CFAP46: variants seen among roughly 807,000 people sequenced by gnomAD.
The protein encoded by CFAP46 is cilia and flagella associated protein 46.
In CFAP46, 245 loss-of-function variants were observed where a neutral mutation model predicts 325.7. The observed-to-expected ratio is 0.75, with a 90% CI of 0.68 to 0.84. The LOEUF (loss-of-function observed/expected upper bound fraction) is 0.84, where lower values mean the gene tolerates loss of function less well. Among genes scored for constraint, CFAP46 ranks in the 40% least tolerant of loss-of-function variants. The pLI is 0.00. For missense variants in CFAP46, 3,346 were observed against 3,543.0 expected (o/e 0.94, Z 1.41); for synonymous variants, 1,523 against 1,495.9 (o/e 1.02, Z -0.42).
intron 13 of CFAP46, among the ~76,000 whole-genome samples, chr10:132,921,031 C>A (rs1010066525): frequency 6.6e-6 from 1 of 152,208 alleles, no homozygotes; most frequent in South Asian, 2.1e-4. Context: ...GATGACAGGG[C>A]GGCAGCCCCT....
chr10:132,869,288 C>G lies in CFAP46; in HGVS notation c.4596G>C (p.Glu1532Asp). ...EEAVGQVCVS[E>D]LEQASCRKEI... The stretch of plus-strand genomic sequence containing the variant: ...ACGGCACACACCTGGCCTGCTCCAG[C>G]TCGCTGACGCACACCTGCCCGACCG... Residue 1532 changes from glutamate (E) to aspartate (D), a missense_variant, in exon 33 of 58, where the codon GAG (glutamate) becomes GAC (aspartate). Physicochemically the swap from Glu to Asp is conservative, Grantham distance 45 (BLOSUM62 2). Coordinates refer to ENST00000368586, the MANE Select transcript of CFAP46 (RefSeq NM_001200049.3). The surrounding 1 kb of genome is among the most constrained non-coding windows in gnomAD (Gnocchi z 6.2). 6.5e-7 allele frequency: 1 copy of G among 1,536,732 alleles called. No individual in the cohort carries two copies. The highest frequency in any genetic ancestry group is 8.8e-7 in the Non-Finnish European group (1 of 1,142,566).
At chr10:132,887,437 TCTCCC>T (rs1849163697) in intron 25 of CFAP46, among the ~76,000 whole-genome samples, 1 of 100,448 alleles carries the variant, frequency 1.0e-5, no homozygotes, top group Admixed American at 1.1e-4. Context: ...TCTTCTTTCC[TCTCCC>T]CTCTTCTCTC....
At position 132,869,116 on chromosome 10, in the gene CFAP46, G is replaced by A. The variant is rs549209511; in HGVS notation, c.4610+158C>T. 1.3e-5 allele frequency among the ~76,000 whole-genome samples: 2 copies of A among 152,060 alleles called. No individual in the cohort carries two copies. Among genetic ancestry groups the A allele is most frequent in the African/African-American group, 4.8e-5 (2 of 41,408 alleles). ...CCTCCCCACAACCCACCTCCAGCAC[G>A]ACCCAGGAGAACCGGCCACAGCCGT... On this transcript the variant is annotated intron_variant, in intron 33 of 57. Coordinates refer to ENST00000368586, the MANE Select transcript of CFAP46 (RefSeq NM_001200049.3). The surrounding 1 kb of genome is among the most constrained non-coding windows in gnomAD (Gnocchi z 6.2).
At chr10:132,929,862 G>T in intron 8 of CFAP46, 58 bp from the exon 9 acceptor site, 1 of 1,275,388 alleles carries the variant, frequency 7.8e-7, no homozygotes, top group Non-Finnish European at 1.1e-6. Flanking sequence ...AAACATGGCT[G>T]CAGGCGAGAA....
chr10:132,925,831 T>C (rs1849801773), intron 10 of CFAP46, among the ~76,000 whole-genome samples: 1 of 152,070 alleles, frequency 6.6e-6, no homozygotes, highest in Admixed American at 6.5e-5. Context: ...GCCGTGCTCA[T>C]CCCCTGCCAC....
chr10:132,876,672 G>T lies in CFAP46; in HGVS notation c.4362+140C>A. 1 of 833,964 alleles carries T rather than the reference G, an allele frequency of 1.2e-6. No homozygotes were observed. Among genetic ancestry groups the T allele is most frequent in the Non-Finnish European group, 1.8e-6 (1 of 548,944 alleles). The allele number at this position is 833,964 out of a possible 1,614,324, so 51.7% of individuals were successfully genotyped here. ...AGACAGTGGTGCTGGGAGGGCCTGT[G>T]GGAGGCTGGGGGCTGATGGGACTCT... On this transcript the variant is annotated intron_variant, in intron 31 of 57. Transcript: ENST00000368586. This position sits in a 1 kb window ranked among gnomAD's most constrained non-coding sequence, Gnocchi z 4.1.
intron 57 of CFAP46, among the ~76,000 whole-genome samples, chr10:132,809,991 G>T (rs73389090): frequency 6.6e-6 from 1 of 152,344 alleles, no homozygotes; most frequent in African/African-American, 2.4e-5. Flanking sequence ...GGGCACTGTG[G>T]TGCAAGCTGT....
intron 53 of CFAP46, 84 bp downstream of exon 53, chr10:132,814,493 C>T: frequency 2.0e-6 from 3 of 1,496,686 alleles, no homozygotes; most frequent in South Asian, 2.4e-5. Flanking sequence ...AGGAGTGGGG[C>T]ACCAGTTGCT....
chr10:132,913,296 C>A, intron 17 of CFAP46, 38 bp from the exon 18 acceptor site: 1 of 1,527,908 alleles, frequency 6.5e-7, no homozygotes, highest in Non-Finnish European at 8.9e-7. Flanking sequence ...AATGCAGGGT[C>A]CCCAGCCCCG....
rs751031846 is a variant in CFAP46 at position 132,899,584 on chromosome 10, G to A, written c.3007C>T (p.Arg1003Trp). ...GRSIMENLKG[R>W]KQLRLVAAKA... ...GCTGCCACCAGTCGCAGCTGCTTCCGGCCCTTCAGGTTTTCCATGATGCTC... is the reference window on the plus strand; with the variant it reads ...GCTGCCACCAGTCGCAGCTGCTTCCAGCCCTTCAGGTTTTCCATGATGCTC... Residue 1003 changes from arginine to tryptophan, a missense_variant, in exon 23 of 58, where the codon CGG (arginine) becomes TGG (tryptophan). Physicochemically the swap from Arg to Trp is moderately radical, Grantham distance 101. Coordinates refer to ENST00000368586, the MANE Select transcript of CFAP46 (RefSeq NM_001200049.3). 100 of 1,549,726 alleles carry A rather than the reference G, an allele frequency of 6.5e-5. No homozygotes were observed. Among genetic ancestry groups the A allele is most frequent in the African/African-American group, 1.9e-4 (14 of 73,044 alleles).
At chr10:132,860,760 C>A in intron 36 of CFAP46, 22 bp downstream of exon 36, 1 of 1,549,218 alleles carries the variant, frequency 6.5e-7, no homozygotes, top group South Asian at 1.2e-5. Flanking sequence ...GACATGCAGC[C>A]CCAGGTCCCC....
intron 6 of CFAP46, 92 bp from the exon 7 acceptor site, chr10:132,937,147 T>A: frequency 1.5e-6 from 1 of 657,800 alleles, no homozygotes; most frequent in Middle Eastern, 3.9e-4. Context: ...CTCATTAATT[T>A]TGTATCTAGC....
chr10:132,860,757 A>T (rs1848710051), intron 36 of CFAP46, 25 bp downstream of exon 36: 1 of 1,547,884 alleles, frequency 6.5e-7, no homozygotes. Flanking sequence ...CCCGACATGC[A>T]GCCCCAGGTC....
At chr10:132,837,148 C>T in intron 44 of CFAP46, 1 of 508,284 alleles carries the variant, frequency 2.0e-6, no homozygotes, top group African/African-American at 2.0e-5. Context: ...TGTCATTTCT[C>T]TCCGGTTGTT....
At chr10:132,836,366 G>A (rs1848247917) in intron 45 of CFAP46, 148 bp from the exon 46 acceptor site, 3 of 711,916 alleles carry the variant, frequency 4.2e-6, no homozygotes, top group South Asian at 3.3e-5. Context: ...TGCGCCTCCA[G>A]GGGCACCGCT....
chr10:132,891,033 T>C (rs886589455), intron 25 of CFAP46, among the ~76,000 whole-genome samples: 2 of 152,244 alleles, frequency 1.3e-5, no homozygotes, highest in Non-Finnish European at 2.9e-5. Context: ...GGTTCTATTG[T>C]TCTGAAGTCA....
chr10:132,929,033 C>T (rs1849851036), intron 9 of CFAP46, among the ~76,000 whole-genome samples: 1 of 152,056 alleles, frequency 6.6e-6, no homozygotes, highest in African/African-American at 2.4e-5. Flanking sequence ...ATGTAATAAG[C>T]AAAAAATTAT....
At chr10:132,873,703 G>A (rs1467747556) in intron 31 of CFAP46, among the ~76,000 whole-genome samples, 1 of 152,134 alleles carries the variant, frequency 6.6e-6, no homozygotes, top group Non-Finnish European at 1.5e-5. Context: ...TGACAACCAG[G>A]CAGAGGGGCC....
chr10:132,851,707 C>T (rs552307884), intron 39 of CFAP46, among the ~76,000 whole-genome samples: 104 of 152,372 alleles, frequency 6.8e-4, no homozygotes, highest in African/African-American at 2.3e-3. Context: ...CCTCTCACAG[C>T]CGGCGTCGGT....
Sources: gnomAD v4.1 joint callset for allele counts (sites outside exome capture counted in the v4.1 genomes callset) on GRCh38, gnomAD v4.1.1 for gene constraint, Gnocchi (gnomAD v3.1) non-coding constraint, MANE v1.5 for transcripts, NCBI Gene and HGNC (gene_info 2026-07-23, HGNC 2026-07-21) for gene names.